The following EYS variants were observed in gnomAD, a reference collection of about 807,000 sequenced individuals.
The protein encoded by EYS is EGF-like photoreceptor maintenance factor.
In EYS, 250 loss-of-function variants were observed where a neutral mutation model predicts 282.1. That is an observed-to-expected ratio of 0.89 (90% confidence interval 0.80 to 0.98). EYS has a LOEUF of 0.98. Ranked by LOEUF, EYS falls within the 50% of genes least tolerant of loss-of-function variation. The pLI, the probability that EYS is intolerant of heterozygous loss-of-function variation, is 0.00. For missense variants in EYS, 4,016 were observed against 3,709.0 expected (o/e 1.08, Z -2.15); for synonymous variants, 1,355 against 1,282.9 (o/e 1.06, Z -1.20).
intron 26 of EYS, among the ~76,000 whole-genome samples, chr6:64,530,084 T>C (rs926764204): frequency 1.3e-5 from 2 of 152,134 alleles, no homozygotes; most frequent in African/African-American, 4.8e-5. Flanking sequence ...AACTAAATTC[T>C]AGTATTTATT....
At chr6:64,027,129 T>G (rs1769557326) in intron 33 of EYS, among the ~76,000 whole-genome samples, 1 of 152,106 alleles carries the variant, frequency 6.6e-6, no homozygotes. Context: ...TCCCTACCAG[T>G]CAGCAAGCCA....
intron 26 of EYS, among the ~76,000 whole-genome samples, chr6:64,579,197 C>G (rs1765984491): frequency 6.6e-6 from 1 of 152,082 alleles, no homozygotes; most frequent in Non-Finnish European, 1.5e-5. Context: ...TTTCTCAATA[C>G]CTGGAGTGAG....
chr6:63,810,403 G>C (rs1242673857), intron 36 of EYS, among the ~76,000 whole-genome samples: 2 of 150,786 alleles, frequency 1.3e-5, no homozygotes, highest in African/African-American at 4.9e-5. Context: ...ATTGGAATGT[G>C]GAAAGAAGAC....
At chr6:65,094,093 ATAATAAG>A (rs1774653702) in intron 12 of EYS, among the ~76,000 whole-genome samples, 1 of 151,718 alleles carries the variant, frequency 6.6e-6, no homozygotes, top group African/African-American at 2.4e-5. Context: ...CATATTGAAC[ATAATAAG>A]TAATAACTTT....
intron 1 of EYS, among the ~76,000 whole-genome samples, chr6:65,663,415 T>G (rs1768074757): frequency 6.6e-6 from 1 of 152,234 alleles, no homozygotes; most frequent in African/African-American, 2.4e-5. Context: ...TAGTCCCATT[T>G]ACAAAAAGGA....
intron 26 of EYS, among the ~76,000 whole-genome samples, chr6:64,470,137 C>T (rs1052096373): frequency 7.2e-5 from 11 of 152,082 alleles, no homozygotes; most frequent in South Asian, 6.2e-4. Context: ...GGGCCACTAC[C>T]GGTCTCTGCG....
At chr6:64,451,802 T>G (rs140592413) in intron 26 of EYS, among the ~76,000 whole-genome samples, 36,494 of 151,896 alleles carry the variant, frequency 0.24, 4,869 homozygotes, top group East Asian at 0.38. Context: ...TTTGACAAAA[T>G]TGAACAACCT....
intron 12 of EYS, among the ~76,000 whole-genome samples, chr6:65,097,429 A>T (rs923946450): frequency 1.3e-5 from 2 of 151,008 alleles, no homozygotes; most frequent in South Asian, 2.1e-4. Context: ...TATGGAAAAC[A>T]GTATGCAAAA....
At chr6:64,203,872 A>G (rs961191376) in intron 31 of EYS, among the ~76,000 whole-genome samples, 1 of 152,290 alleles carries the variant, frequency 6.6e-6, no homozygotes, top group South Asian at 2.1e-4. Context: ...GGAGAACAGA[A>G]AAAATAAAAA....
At chr6:65,338,319 A>G (rs1770068366) in intron 10 of EYS, among the ~76,000 whole-genome samples, 1 of 151,202 alleles carries the variant, frequency 6.6e-6, no homozygotes, top group Admixed American at 6.6e-5. Context: ...GCAAGAGAGT[A>G]AATTATATCA....
intron 31 of EYS, among the ~76,000 whole-genome samples, chr6:64,127,386 A>AT (rs59203248): frequency 0.014 from 2,095 of 152,272 alleles, 43 homozygotes; most frequent in African/African-American, 0.048. Context: ...GTAAGCTGCG[A>AT]AAATTATTTT....
chr6:63,986,646 G>A (rs926003327), intron 34 of EYS, among the ~76,000 whole-genome samples: 2 of 151,678 alleles, frequency 1.3e-5, no homozygotes, highest in Non-Finnish European at 3.0e-5. Flanking sequence ...TGGAGCTGGA[G>A]GCCATTATCC....
At chr6:65,624,597 A>G (rs764822395) in intron 2 of EYS, among the ~76,000 whole-genome samples, 35 of 152,284 alleles carry the variant, frequency 2.3e-4, no homozygotes, top group Non-Finnish European at 3.5e-4. Flanking sequence ...AGGGAGAGGC[A>G]GACCCACCCT....
chr6:65,588,120 G>A (rs1765116449), intron 2 of EYS, among the ~76,000 whole-genome samples: 1 of 151,942 alleles, frequency 6.6e-6, no homozygotes, highest in Non-Finnish European at 1.5e-5. Context: ...GATCCAAAAG[G>A]GAATTGAGAG....
At chr6:63,860,371 T>A (rs1772503376) in intron 36 of EYS, among the ~76,000 whole-genome samples, 1 of 152,234 alleles carries the variant, frequency 6.6e-6, no homozygotes, top group Non-Finnish European at 1.5e-5. Context: ...TGCTGTCACC[T>A]AAGATGCCTG....
intron 22 of EYS, among the ~76,000 whole-genome samples, chr6:64,632,498 T>C (rs992345790): frequency 6.2e-5 from 9 of 144,294 alleles, no homozygotes; most frequent in African/African-American, 2.2e-4. Flanking sequence ...CATAAGAAAC[T>C]ATAGTTCTGA....
chr6:65,497,073 T>A (rs1407824380), intron 2 of EYS, among the ~76,000 whole-genome samples: 1 of 152,096 alleles, frequency 6.6e-6, no homozygotes, highest in East Asian at 1.9e-4. Context: ...TACATAATCA[T>A]GTCAATTTCA....
intron 2 of EYS, among the ~76,000 whole-genome samples, chr6:65,543,471 G>A (rs1023790352): frequency 6.8e-4 from 101 of 147,666 alleles, no homozygotes; most frequent in African/African-American, 2.4e-3. Context: ...TATTAATTAT[G>A]TGTGTGTATA....
At chr6:63,762,346 T>C (rs532610237) in intron 41 of EYS, 115 bp downstream of exon 41, 34 of 954,996 alleles carry the variant, frequency 3.6e-5, no homozygotes, top group Non-Finnish European at 5.2e-5. Context: ...AAGAGGACAG[T>C]GGATTTGAAT....
Sources: gnomAD v4.1 joint callset for allele counts (sites outside exome capture counted in the v4.1 genomes callset) on GRCh38, gnomAD v4.1.1 for gene constraint, MANE v1.5 for transcripts, NCBI Gene and HGNC (gene_info 2026-07-23, HGNC 2026-07-21) for gene names.